Variants in RAD51B observed in about 807,000 individuals in gnomAD.
The protein encoded by RAD51B is RAD51 paralog B.
RAD51B carries 38 observed loss-of-function variants against 42.2 expected under a neutral mutation model. The ratio of observed to expected loss-of-function variants is 0.90; its 90% CI spans 0.70 to 1.18. The LOEUF (loss-of-function observed/expected upper bound fraction) is 1.18. RAD51B is among the 50% of genes most tolerant of loss of function. The pLI is 0.00. For missense variants in RAD51B, 373 were observed against 400.7 expected (o/e 0.93, Z 0.59); for synonymous variants, 154 against 145.2 (o/e 1.06, Z -0.43).
rs148826081 is a variant in RAD51B, at chr14:68,154,357, T to G, written c.757-137527T>G. ...TCTGAGTATTCTATCCAATGCTTCA[T>G]GCATTATGAAGTTTTCCATTCTTAT... On this transcript the variant is annotated intron_variant, in intron 7 of 10. Transcript: ENST00000471583. Among the ~76,000 whole-genome samples, 456 of 152,326 alleles carry G rather than the reference T, an allele frequency of 3.0e-3. 1 individual carries two copies. Among genetic ancestry groups the G allele is most frequent in the Non-Finnish European group, 4.9e-3 (333 of 68,020 alleles).
At chr14:68,265,567 T>C (rs1450955192) in intron 7 of RAD51B, among the ~76,000 whole-genome samples, 1 of 146,524 alleles carries the variant, frequency 6.8e-6, no homozygotes, top group Non-Finnish European at 1.5e-5. Context: ...CTGGCCAATA[T>C]GGTAAAACCC....
chr14:68,082,286 G>A (rs2076924036), intron 7 of RAD51B, among the ~76,000 whole-genome samples: 1 of 152,088 alleles, frequency 6.6e-6, no homozygotes, highest in African/African-American at 2.4e-5. Context: ...AATTTCAGTT[G>A]CATTTATTTT....
At chr14:68,647,303 T>C (rs1259609619) in intron 10 of RAD51B, among the ~76,000 whole-genome samples, 1 of 152,244 alleles carries the variant, frequency 6.6e-6, no homozygotes, top group Non-Finnish European at 1.5e-5. Flanking sequence ...TGTTACATCA[T>C]AAAACTATGT....
chr14:68,204,250 T>A (rs902218026), intron 7 of RAD51B, among the ~76,000 whole-genome samples: 1 of 152,236 alleles, frequency 6.6e-6, no homozygotes, highest in Non-Finnish European at 1.5e-5. Flanking sequence ...TGTAAGGTTA[T>A]TAATTGAACT....
intron 7 of RAD51B, among the ~76,000 whole-genome samples, chr14:68,162,560 C>T (rs148793067): frequency 0.011 from 1,716 of 152,190 alleles, 38 homozygotes; most frequent in African/African-American, 0.039. Context: ...CGGAGGCAGG[C>T]GAATCATGAG....
intron 7 of RAD51B, among the ~76,000 whole-genome samples, chr14:67,890,802 ATTTTTC>A (rs2043196712): frequency 6.6e-6 from 1 of 151,860 alleles, no homozygotes; most frequent in South Asian, 2.1e-4. Context: ...TCATTGGAAT[ATTTTTC>A]TTTATCTTTT....
At chr14:68,234,468 C>T (rs191696954) in intron 7 of RAD51B, among the ~76,000 whole-genome samples, 15 of 152,268 alleles carry the variant, frequency 9.9e-5, no homozygotes, top group Admixed American at 8.5e-4. Flanking sequence ...CAAACATCAT[C>T]GAGTGCACTT....
At chr14:68,087,158 G>A (rs942276406) in intron 7 of RAD51B, among the ~76,000 whole-genome samples, 3 of 151,574 alleles carry the variant, frequency 2.0e-5, no homozygotes, top group African/African-American at 7.3e-5. Context: ...AAGAGAGAGA[G>A]AGATGCCTGT....
In RAD51B at chr14:68,420,969, G is replaced by A. The variant is rs76131140; in HGVS notation, c.957+9442G>A. Reference sequence around the variant, plus strand: ...TGATTCTGCTGGGTTGCAATGAATGGTCCTTATTATCTTCCTCTCTGACTT... The same window carrying A: ...TGATTCTGCTGGGTTGCAATGAATGATCCTTATTATCTTCCTCTCTGACTT... On this transcript the variant is annotated intron_variant, in intron 9 of 10. Transcript: ENST00000471583. Among the ~76,000 whole-genome samples the A allele has an allele frequency of 2.6e-3, 400 of 152,328 alleles. 2 individuals carry two copies. Among genetic ancestry groups the A allele is most frequent in the African/African-American group, 9.4e-3 (392 of 41,560 alleles).
rs2082253123 is a variant in RAD51B at position 68,326,374 on chromosome 14, C to T, written c.853+34394C>T. Among the ~76,000 whole-genome samples, 4 of 150,438 alleles carry T rather than the reference C, an allele frequency of 2.7e-5. No homozygotes were observed. The South Asian group carries it at 8.3e-4, about 31-fold the overall frequency. ...ATTCTTTAAGTAAAACATGTTTCCC[C>T]AAGTAAACTTACTGTGTGTTTAGTA... On this transcript the variant is annotated intron_variant, in intron 8 of 10. Transcript: ENST00000471583.
chr14:68,179,001 TATAAA>T (rs1323814982), intron 7 of RAD51B, among the ~76,000 whole-genome samples: 1 of 152,170 alleles, frequency 6.6e-6, no homozygotes, highest in Non-Finnish European at 1.5e-5. Context: ...TGCCAAGTGT[TATAAA>T]ATGATTGTGG....
intron 9 of RAD51B, among the ~76,000 whole-genome samples, chr14:68,429,532 T>C (rs762164645): frequency 3.3e-5 from 5 of 152,252 alleles, no homozygotes; most frequent in Admixed American, 6.5e-5. Flanking sequence ...TTCACGTGTC[T>C]GTTGGCTGCA....
At chr14:68,079,197 T>A (rs746112145) in intron 7 of RAD51B, among the ~76,000 whole-genome samples, 7 of 152,218 alleles carry the variant, frequency 4.6e-5, no homozygotes, top group Non-Finnish European at 1.0e-4. Context: ...ACTGTTCATT[T>A]TAATTAAATT....
At chr14:68,264,353 T>C (rs1043554365) in intron 7 of RAD51B, among the ~76,000 whole-genome samples, 1 of 152,268 alleles carries the variant, frequency 6.6e-6, no homozygotes, top group Non-Finnish European at 1.5e-5. Context: ...GGATGACTTA[T>C]AGGCAGGAAC....
intron 8 of RAD51B, among the ~76,000 whole-genome samples, chr14:68,375,471 A>G (rs894234593): frequency 2.6e-5 from 4 of 152,088 alleles, no homozygotes; most frequent in African/African-American, 7.2e-5. Context: ...TCATTCTCCA[A>G]TATGCTTTCT....
chr14:68,085,976 T>C (rs1011450243), intron 7 of RAD51B, among the ~76,000 whole-genome samples: 2 of 152,126 alleles, frequency 1.3e-5, no homozygotes, highest in Non-Finnish European at 2.9e-5. Context: ...AGAGTGCTCT[T>C]TTAGTTTTGC....
intron 7 of RAD51B, among the ~76,000 whole-genome samples, chr14:67,896,596 T>C (rs1419448762): frequency 6.6e-6 from 1 of 152,232 alleles, no homozygotes; most frequent in African/African-American, 2.4e-5. Context: ...AATTAGATCA[T>C]CTCTTGAATA....
chr14:68,368,616 C>T (rs891108448), intron 8 of RAD51B, among the ~76,000 whole-genome samples: 1 of 152,192 alleles, frequency 6.6e-6, no homozygotes, highest in Non-Finnish European at 1.5e-5. Flanking sequence ...TCAGCAGCCG[C>T]TCCCATATGC....
At chr14:68,179,299 T>G (rs919655681) in intron 7 of RAD51B, among the ~76,000 whole-genome samples, 5 of 152,158 alleles carry the variant, frequency 3.3e-5, no homozygotes, top group African/African-American at 1.2e-4. Flanking sequence ...TCTTTTTTTC[T>G]TTCTTGGCAA....
Sources: allele counts gnomAD v4.1 joint callset (sites outside exome capture counted in the v4.1 genomes callset), GRCh38; gene constraint gnomAD v4.1.1; transcripts MANE v1.5; gene names NCBI Gene and HGNC (gene_info 2026-07-23, HGNC 2026-07-21).